TRIM9: variants seen among roughly 807,000 people sequenced by gnomAD.
TRIM9 encodes E3 ubiquitin-protein ligase TRIM9.
In TRIM9, 26 loss-of-function variants were observed where a neutral mutation model predicts 78.3. The observed-to-expected ratio is 0.33, with a 90% CI of 0.24 to 0.46. The LOEUF is 0.46. Among genes scored for constraint, TRIM9 ranks in the 20% least tolerant of loss-of-function variants. The probability of loss-of-function intolerance (pLI) is 1.00; values close to 1 mark genes in which losing one functional copy is unlikely to be tolerated. For synonymous variants in TRIM9, 398 were observed against 416.5 expected (o/e 0.96, Z 0.54); for missense variants, 787 against 1,036.4 (o/e 0.76, Z 3.30).
rs540509979 is a variant in TRIM9 at position 51,009,694 on chromosome 14, C to T, written c.1153-461G>A. On this transcript the variant is annotated intron_variant, in intron 4 of 12. Transcript: ENST00000684578. ...CATGGAATTTCTCACATTTTAAGCACATCATCTTCATGTGATTATCACTGT... is the reference window on the plus strand; with the variant it reads ...CATGGAATTTCTCACATTTTAAGCATATCATCTTCATGTGATTATCACTGT... Among the ~76,000 whole-genome samples, 4 of 152,322 alleles carry T rather than the reference C, an allele frequency of 2.6e-5. No homozygotes were observed. The East Asian group carries it at 7.7e-4, about 29-fold the overall frequency.
chr14:51,057,957 C>A (rs2061019298), intron 1 of TRIM9, among the ~76,000 whole-genome samples: 1 of 152,156 alleles, frequency 6.6e-6, no homozygotes, highest in Non-Finnish European at 1.5e-5. Flanking sequence ...TTATTTCAAG[C>A]CAGTTTACTC....
chr14:51,000,698 G>A lies in TRIM9; in HGVS notation c.1449C>T (p.Asn483=), dbSNP rs2054865269. The part of the protein sequence containing the change: ...DGYILELDDG[N]GGQFREVYVG... ...GTCTACTGACCCGGAATTGACCACCGTTGCCATCATCCAGCTCCAGAATGT... is the reference window on the plus strand; with the variant it reads ...GTCTACTGACCCGGAATTGACCACCATTGCCATCATCCAGCTCCAGAATGT... Residue 483 remains asparagine (N), a synonymous_variant, in exon 6 of 13, where the codon AAC becomes AAT. Coordinates refer to ENST00000684578, the MANE Select transcript of TRIM9 (RefSeq NM_001387360.1). The A allele has an allele frequency of 1.9e-6, 3 of 1,614,108 alleles. No individual in the cohort carries two copies. Among genetic ancestry groups the A allele is most frequent in the African/African-American group, 2.7e-5 (2 of 75,050 alleles).
At chr14:50,999,159 G>A (rs1194977147) in intron 6 of TRIM9, among the ~76,000 whole-genome samples, 2 of 152,144 alleles carry the variant, frequency 1.3e-5, no homozygotes, top group African/African-American at 4.8e-5. Context: ...AACCAATGCT[G>A]CTGGGGGAGG....
chr14:51,006,057 T>G (rs1483002896), intron 5 of TRIM9, among the ~76,000 whole-genome samples: 1 of 152,236 alleles, frequency 6.6e-6, no homozygotes, highest in African/African-American at 2.4e-5. Context: ...GCGTCTATGA[T>G]GAGCTTTTGA....
chr14:51,092,811 T>C (rs760558741), intron 1 of TRIM9, among the ~76,000 whole-genome samples: 1 of 152,036 alleles, frequency 6.6e-6, no homozygotes, highest in Non-Finnish European at 1.5e-5. Context: ...AAAAATAACA[T>C]AATTAAAATA....
At chr14:51,066,114 A>AGGGAG in intron 1 of TRIM9, among the ~76,000 whole-genome samples, 2 of 8,508 alleles carry the variant, frequency 2.4e-4, no homozygotes, top group Non-Finnish European at 4.5e-4. Context: ...GGAGGGAGGG[A>AGGGAG]GGGAGGGGAG....
intron 3 of TRIM9, among the ~76,000 whole-genome samples, chr14:51,011,578 A>G (rs1413810928): frequency 2.0e-5 from 3 of 152,252 alleles, no homozygotes; most frequent in Non-Finnish European, 4.4e-5. Flanking sequence ...AGCCTAAAAT[A>G]CATCTAGTGT....
At chr14:50,977,923 C>G (rs2051274483) in intron 12 of TRIM9, among the ~76,000 whole-genome samples, 3 of 152,092 alleles carry the variant, frequency 2.0e-5, no homozygotes, top group East Asian at 3.9e-4. Flanking sequence ...CCTGTCTTCT[C>G]CAGCCCAAGA....
At chr14:51,000,927 C>A in intron 5 of TRIM9, 87 bp from the exon 6 acceptor site, 1 of 1,531,434 alleles carries the variant, frequency 6.5e-7, no homozygotes, top group Admixed American at 1.7e-5. Context: ...CTGATAAACA[C>A]GTGGTTAGAA....
chr14:50,979,434 C>A lies in TRIM9; in HGVS notation c.2278G>T (p.Val760Leu), dbSNP rs369174438. 5 of 1,614,076 alleles carry A rather than the reference C, an allele frequency of 3.1e-6. No homozygotes were observed. The highest frequency in any genetic ancestry group is 1.3e-5 in the African/African-American group (1 of 74,934). Residue 760 changes from valine (V) to leucine (L), a missense_variant, in exon 12 of 13, where the codon GTG becomes TTG. Physicochemically the swap from Val to Leu is conservative, Grantham distance 32. Transcript: ENST00000684578. ...EQQGPIAFDNVEGLFFPAVSL... is the reference protein window; with the variant it reads ...EQQGPIAFDNLEGLFFPAVSL... The stretch of plus-strand genomic sequence containing the variant: ...ACCGCAGGGAAGAAGAGGCCCTCCA[C>A]GTTATCAAATGCTATGGGACCTTGT...
intron 5 of TRIM9, among the ~76,000 whole-genome samples, chr14:51,002,105 TTGTGTGTGTGTG>T (rs10569486): frequency 1.4e-5 from 2 of 146,870 alleles, no homozygotes; most frequent in East Asian, 3.9e-4. Flanking sequence ...AACCATGGTT[TTGTGTGTGTGTG>T]TGTGTGTGTT....
chr14:51,052,817 G>C (rs2060539475), intron 1 of TRIM9, among the ~76,000 whole-genome samples: 1 of 152,034 alleles, frequency 6.6e-6, no homozygotes, highest in South Asian at 2.1e-4. Context: ...CACTTTACTG[G>C]TGCACTATAC....
At chr14:50,995,946 C>T in intron 7 of TRIM9, 1 of 258,084 alleles carries the variant, frequency 3.9e-6, no homozygotes, top group Non-Finnish European at 6.1e-6. Flanking sequence ...TCTATTGTTA[C>T]AGATCGATCA....
At chr14:51,062,640 T>C (rs569232102) in intron 1 of TRIM9, among the ~76,000 whole-genome samples, 35 of 152,262 alleles carry the variant, frequency 2.3e-4, no homozygotes, top group Non-Finnish European at 4.9e-4. Context: ...TGAAGATTTA[T>C]TGGCCAGTGG....
chr14:51,004,709 G>A (rs1401697226), intron 5 of TRIM9, among the ~76,000 whole-genome samples: 1 of 152,170 alleles, frequency 6.6e-6, no homozygotes, highest in Non-Finnish European at 1.5e-5. Flanking sequence ...CTGAGGAAAT[G>A]GAAACACAGT....
At chr14:50,991,676 T>G (rs1471943338) in intron 7 of TRIM9, among the ~76,000 whole-genome samples, 3 of 152,246 alleles carry the variant, frequency 2.0e-5, no homozygotes, top group Admixed American at 2.0e-4. Flanking sequence ...AGGTATCTAA[T>G]GCTGCTTCAT....
intron 3 of TRIM9, among the ~76,000 whole-genome samples, chr14:51,013,250 G>A (rs2056788342): frequency 6.7e-6 from 1 of 148,168 alleles, no homozygotes; most frequent in Non-Finnish European, 1.5e-5. Context: ...TTTGCATGTG[G>A]ATATCCAATT....
At chr14:51,053,731 A>G (rs1216414724) in intron 1 of TRIM9, among the ~76,000 whole-genome samples, 6 of 148,874 alleles carry the variant, frequency 4.0e-5, no homozygotes, top group Non-Finnish European at 8.8e-5. Context: ...ATATCTCCCA[A>G]TGCTATCCCT....
chr14:51,094,014 C>A, intron 1 of TRIM9, 104 bp downstream of exon 1: 1 of 1,182,480 alleles, frequency 8.5e-7, no homozygotes, highest in Non-Finnish European at 1.2e-6. Context: ...ACCTGCATTG[C>A]GCCCCCACTG....
Sources: allele counts gnomAD v4.1 joint callset (sites outside exome capture counted in the v4.1 genomes callset), GRCh38; gene constraint gnomAD v4.1.1; transcripts MANE v1.5; gene names NCBI Gene and HGNC (gene_info 2026-07-23, HGNC 2026-07-21).